CSNK1G1: variants seen among roughly 807,000 people sequenced by gnomAD.
CSNK1G1 encodes the protein casein kinase 1 gamma 1.
In CSNK1G1, 22 loss-of-function variants were observed where a neutral mutation model predicts 59.6. That is an observed-to-expected ratio of 0.37 (90% CI 0.26 to 0.53). The LOEUF (loss-of-function observed/expected upper bound fraction) is 0.53. Ranked by LOEUF, CSNK1G1 falls within the 20% of genes least tolerant of loss-of-function variation. The pLI, the probability that CSNK1G1 is intolerant of heterozygous loss-of-function variation, is 0.89. For synonymous variants in CSNK1G1, 179 were observed against 177.1 expected (o/e 1.01, Z -0.08); for missense variants, 384 against 519.5 (o/e 0.74, Z 2.54).
chr15:64,174,727 C>G (rs2081720932), intron 11 of CSNK1G1, among the ~76,000 whole-genome samples: 1 of 152,176 alleles, frequency 6.6e-6, no homozygotes, highest in Non-Finnish European at 1.5e-5. Context: ...ATATGGCATT[C>G]TTACTATGTC....
chr15:64,233,916 A>G lies in CSNK1G1; in HGVS notation c.293-17203T>C, dbSNP rs575274644. On this transcript the variant is annotated intron_variant, in intron 4 of 11. Coordinates refer to ENST00000303052, the MANE Select transcript of CSNK1G1 (RefSeq NM_022048.5). ...AAATTAAGCATTTGCCACACACTGG[A>G]CTTAAGCTACAACATCAATGGAAAC... is the stretch of plus-strand genomic sequence containing the variant. 5.3e-5 allele frequency among the ~76,000 whole-genome samples: 8 copies of G among 152,290 alleles called. No homozygotes were observed. In the East Asian group the frequency reaches 1.5e-3, roughly 29 times the overall value.
At chr15:64,246,716 G>C (rs1339795660) in intron 4 of CSNK1G1, among the ~76,000 whole-genome samples, 1 of 151,216 alleles carries the variant, frequency 6.6e-6, no homozygotes, top group African/African-American at 2.4e-5. Flanking sequence ...AATCAGAAGA[G>C]TCACTAGATT....
At chr15:64,201,271 CA>C (rs545719275) in intron 10 of CSNK1G1, among the ~76,000 whole-genome samples, 8,768 of 64,908 alleles carry the variant, frequency 0.14, 159 homozygotes, top group African/African-American at 0.17. Context: ...GACACTGTCT[CA>C]AAAAAAAAAA....
chr15:64,341,346 G>A (rs996218437), intron 1 of CSNK1G1, among the ~76,000 whole-genome samples: 3 of 152,144 alleles, frequency 2.0e-5, no homozygotes, highest in African/African-American at 7.2e-5. Flanking sequence ...CACTACATTG[G>A]CCAGGATGGT....
chr15:64,304,721 G>C (rs943749597), intron 1 of CSNK1G1, among the ~76,000 whole-genome samples: 1 of 152,172 alleles, frequency 6.6e-6, no homozygotes. Context: ...TATCAAAAGT[G>C]AGGTACATAA....
At chr15:64,301,814 G>A (rs1895355721) in intron 1 of CSNK1G1, among the ~76,000 whole-genome samples, 1 of 152,120 alleles carries the variant, frequency 6.6e-6, no homozygotes, top group Admixed American at 6.5e-5. Flanking sequence ...TTGAACCTAG[G>A]AGGTGGAGGT....
chr15:64,351,040 T>C (rs974686300), intron 1 of CSNK1G1, among the ~76,000 whole-genome samples: 3 of 152,196 alleles, frequency 2.0e-5, no homozygotes, highest in African/African-American at 7.2e-5. Flanking sequence ...AATACACTTA[T>C]CTAAAACCAC....
intron 2 of CSNK1G1, among the ~76,000 whole-genome samples, chr15:64,278,275 G>A (rs958124705): frequency 6.6e-6 from 1 of 151,378 alleles, no homozygotes; most frequent in Non-Finnish European, 1.5e-5. Context: ...TCAAACTACT[G>A]ACCTCAGGTA....
chr15:64,175,883 G>A lies in CSNK1G1; in HGVS notation c.1215-3898C>T, dbSNP rs180818220. ...TCCAGCAACAACTCACTATCCTTGC[G>A]GCTGTGAGTAAACACAACTGCTACA... On this transcript the variant is annotated intron_variant, in intron 11 of 11. Coordinates refer to ENST00000303052, the MANE Select transcript of CSNK1G1 (RefSeq NM_022048.5). Among the ~76,000 whole-genome samples, 108 of 152,282 alleles carry A rather than the reference G, an allele frequency of 7.1e-4. No homozygotes were observed. In the East Asian group the frequency reaches 0.01, roughly 15 times the overall value.
At chr15:64,172,103 C>G in intron 11 of CSNK1G1, 118 bp from the exon 12 acceptor site, 4 of 861,252 alleles carry the variant, frequency 4.6e-6, no homozygotes, top group Non-Finnish European at 7.8e-6. Context: ...CCCATAGGGA[C>G]CACCCACCAT....
intron 1 of CSNK1G1, among the ~76,000 whole-genome samples, chr15:64,305,003 C>T (rs1895589276): frequency 6.6e-6 from 1 of 152,182 alleles, no homozygotes. Flanking sequence ...ACTTCCCATC[C>T]TACTGTCCAA....
chr15:64,332,396 C>T (rs1897154284), intron 1 of CSNK1G1, among the ~76,000 whole-genome samples: 9 of 137,108 alleles, frequency 6.6e-5, no homozygotes, highest in Middle Eastern at 3.6e-3. Context: ...AAACTGGAAA[C>T]CATCATTCTC....
chr15:64,185,314 ATAT>A (rs1304373896), intron 10 of CSNK1G1, among the ~76,000 whole-genome samples: 1 of 152,232 alleles, frequency 6.6e-6, no homozygotes, highest in African/African-American at 2.4e-5. Context: ...CAACTCAGAA[ATAT>A]GTGGACATCT....
chr15:64,185,834 C>T (rs942600854), intron 10 of CSNK1G1, among the ~76,000 whole-genome samples: 16 of 148,772 alleles, frequency 1.1e-4, no homozygotes, highest in Non-Finnish European at 2.4e-4. Context: ...TGCACTCCAG[C>T]CTGGATGACA....
At chr15:64,273,396 T>C (rs1893432722) in intron 2 of CSNK1G1, among the ~76,000 whole-genome samples, 1 of 152,152 alleles carries the variant, frequency 6.6e-6, no homozygotes, top group African/African-American at 2.4e-5. Context: ...ACAGAACATA[T>C]AAAGAATAAC....
chr15:64,300,756 A>T, intron 1 of CSNK1G1, 33 bp from the exon 2 acceptor site: 1 of 1,218,000 alleles, frequency 8.2e-7, no homozygotes, highest in Non-Finnish European at 1.0e-6. Context: ...TGTAGTTAAA[A>T]ATTAAATTTT....
rs560613659 is a variant in CSNK1G1, at chr15:64,286,332, ATGTTAT to A, written c.181+13981_181+13986del. Among the ~76,000 whole-genome samples, 223 of 152,002 alleles carry A rather than the reference ATGTTAT, an allele frequency of 1.5e-3. 1 individual carries two copies. The highest frequency in any genetic ancestry group is 5.2e-3 in the African/African-American group (217 of 41,452). ...ACCCCACTCTGCTGATATTGTTAAC[ATGTTAT>A]TGTTAACAATATTGTTAACATGTTA... On this transcript the variant is annotated intron_variant, in intron 2 of 11. Transcript: ENST00000303052.
chr15:64,276,324 T>C (rs763157921), intron 2 of CSNK1G1, among the ~76,000 whole-genome samples: 30 of 152,178 alleles, frequency 2.0e-4, no homozygotes, highest in Non-Finnish European at 3.2e-4. Flanking sequence ...CCAAAGTATT[T>C]TTGTATTTTT....
chr15:64,265,204 C>G (rs78426157), intron 2 of CSNK1G1, among the ~76,000 whole-genome samples: 5,160 of 152,280 alleles, frequency 0.034, 253 homozygotes, highest in African/African-American at 0.11. Context: ...AGTAGCATTT[C>G]TAATGCCAAA....
Sources: gnomAD v4.1 joint callset for allele counts (sites outside exome capture counted in the v4.1 genomes callset) on GRCh38, gnomAD v4.1.1 for gene constraint, MANE v1.5 for transcripts, NCBI Gene and HGNC (gene_info 2026-07-23, HGNC 2026-07-21) for gene names.